The following PTBP2 variants were observed in gnomAD, a reference collection of about 807,000 sequenced individuals.
The protein encoded by PTBP2 is polypyrimidine tract binding protein 2.
Under a neutral mutation model 61.4 loss-of-function variants are expected in PTBP2, and 13 were observed. The observed-to-expected ratio is 0.21, with a 90% CI of 0.14 to 0.34. PTBP2 has a LOEUF of 0.34. Among genes scored for constraint, PTBP2 ranks in the 10% least tolerant of loss-of-function variants. PTBP2 has a pLI of 1.00. For missense variants in PTBP2, 405 were observed against 642.6 expected, an observed-to-expected ratio of 0.63 and a Z score of 4.00; for synonymous variants, 215 against 218.5, an observed-to-expected ratio of 0.98 and a Z score of 0.14.
At chr1:96,800,602 C>T (rs1428872706) in intron 8 of PTBP2, among the ~76,000 whole-genome samples, 5 of 151,964 alleles carry the variant, frequency 3.3e-5, no homozygotes, top group African/African-American at 1.2e-4. Context: ...TGCCTGGTGG[C>T]ATGTGCCTGT....
chr1:96,792,117 G>A (rs1266870363), intron 8 of PTBP2, among the ~76,000 whole-genome samples: 1 of 152,046 alleles, frequency 6.6e-6, no homozygotes, highest in East Asian at 1.9e-4. Context: ...GATTACGGGC[G>A]TGAGCCACCG....
chr1:96,789,311 A>G (rs747216743), intron 8 of PTBP2, among the ~76,000 whole-genome samples: 1 of 152,112 alleles, frequency 6.6e-6, no homozygotes, highest in Non-Finnish European at 1.5e-5. Flanking sequence ...TTGTGAACAG[A>G]TACAACATTT....
chr1:96,721,934 G>A (rs761908551), intron 1 of PTBP2, 62 bp downstream of exon 1: 2 of 1,552,334 alleles, frequency 1.3e-6, no homozygotes, highest in South Asian at 1.2e-5. Flanking sequence ...CCTTCGGCCC[G>A]GTCCCGGGCC....
At chr1:96,753,291 C>T (rs1023615549) in intron 3 of PTBP2, among the ~76,000 whole-genome samples, 2 of 152,014 alleles carry the variant, frequency 1.3e-5, no homozygotes, top group East Asian at 3.9e-4. Context: ...CAGGGTACTT[C>T]AAACACTCCA....
chr1:96,772,960 A>C (rs1167651853), intron 5 of PTBP2, among the ~76,000 whole-genome samples: 1 of 139,680 alleles, frequency 7.2e-6, no homozygotes, highest in Admixed American at 7.0e-5. Flanking sequence ...TAAAAATACA[A>C]AAAAAAAAAA....
intron 3 of PTBP2, among the ~76,000 whole-genome samples, chr1:96,758,469 C>G (rs1268001147): frequency 6.6e-6 from 1 of 152,018 alleles, no homozygotes; most frequent in Non-Finnish European, 1.5e-5. Context: ...ACTAGTATTT[C>G]TCATTAACCT....
At chr1:96,777,559 C>T in intron 5 of PTBP2, 26 bp from the exon 6 acceptor site, 3 of 1,582,282 alleles carry the variant, frequency 1.9e-6, no homozygotes, top group Non-Finnish European at 1.7e-6. Flanking sequence ...GGGTATGTTT[C>T]TAAACTACAT....
chr1:96,770,634 AT>A, intron 4 of PTBP2, 73 bp from the exon 5 acceptor site: 1 of 1,233,680 alleles, frequency 8.1e-7, no homozygotes, highest in Non-Finnish European at 1.2e-6. Context: ...GATTAAAATC[AT>A]CTGAATAGAT....
chr1:96,786,418 T>C (rs1167206929), intron 8 of PTBP2, among the ~76,000 whole-genome samples: 1 of 152,184 alleles, frequency 6.6e-6, no homozygotes, highest in African/African-American at 2.4e-5. Context: ...TCACTTACAC[T>C]CTTTCCTGAC....
At chr1:96,775,753 G>C (rs187907129) in intron 5 of PTBP2, among the ~76,000 whole-genome samples, 2 of 151,910 alleles carry the variant, frequency 1.3e-5, no homozygotes, top group African/African-American at 4.8e-5. Flanking sequence ...AGCCAACACT[G>C]CTCCATGAAT....
chr1:96,735,034 C>T (rs548550808), intron 2 of PTBP2, among the ~76,000 whole-genome samples: 2 of 151,754 alleles, frequency 1.3e-5, no homozygotes, highest in East Asian at 3.9e-4. Context: ...TCTCCTGCCT[C>T]AGCTTCCCAA....
intron 3 of PTBP2, among the ~76,000 whole-genome samples, chr1:96,756,496 G>A (rs1655173582): frequency 1.3e-5 from 2 of 152,196 alleles, no homozygotes; most frequent in South Asian, 4.1e-4. Flanking sequence ...GCACATGGAT[G>A]TTTATAGCAC....
chr1:96,785,001 T>C (rs1659069196), intron 7 of PTBP2, 58 bp from the exon 8 acceptor site: 1 of 1,296,764 alleles, frequency 7.7e-7, no homozygotes, highest in East Asian at 2.7e-5. Context: ...AAAATTATAC[T>C]TTCACTAATT....
At chr1:96,767,696 T>A (rs1656892324) in intron 3 of PTBP2, among the ~76,000 whole-genome samples, 1 of 152,110 alleles carries the variant, frequency 6.6e-6, no homozygotes, top group East Asian at 1.9e-4. Context: ...ATTCTGTGCT[T>A]TAGCTTACAT....
At chr1:96,726,734 G>A (rs1650605954) in intron 2 of PTBP2, among the ~76,000 whole-genome samples, 1 of 152,108 alleles carries the variant, frequency 6.6e-6, no homozygotes, top group Non-Finnish European at 1.5e-5. Context: ...ACCGCGCCTA[G>A]CCAAAATGCC....
rs1377652550 is a variant in PTBP2 at position 96,762,525 on chromosome 1, C to T, written c.116-7178C>T. ...CCCGCCACCTCCCTCCCGGACGGGG[C>T]GGCTGGCCGGGCTGGGGGCTGACCC... On this transcript the variant is annotated intron_variant, in intron 3 of 13. Transcript: ENST00000674951. 1.3e-4 allele frequency among the ~76,000 whole-genome samples: 18 copies of T among 140,744 alleles called. 3 individuals are homozygous for T. The highest frequency in any genetic ancestry group is 3.8e-4 in the African/African-American group (14 of 37,070). 92.3% of individuals were successfully genotyped at this position (140,744 alleles called of 152,430 possible). A position where few individuals can be genotyped will look rare whatever the true frequency, so the allele number is the denominator to read the frequency against.
intron 2 of PTBP2, among the ~76,000 whole-genome samples, chr1:96,737,634 G>C (rs920665708): frequency 6.6e-6 from 1 of 152,094 alleles, no homozygotes; most frequent in African/African-American, 2.4e-5. Context: ...AACAAGTAAT[G>C]ATGAGGAAAA....
At chr1:96,790,114 C>A (rs1659626132) in intron 8 of PTBP2, among the ~76,000 whole-genome samples, 1 of 152,130 alleles carries the variant, frequency 6.6e-6, no homozygotes, top group Admixed American at 6.5e-5. Flanking sequence ...ATCTCTCATT[C>A]ATTTACTTAT....
chr1:96,722,439 G>C (rs1649731847), intron 1 of PTBP2, among the ~76,000 whole-genome samples: 1 of 151,606 alleles, frequency 6.6e-6, no homozygotes, highest in Non-Finnish European at 1.5e-5. Context: ...AGCCGCTGGG[G>C]AAGGGGGGAG....
Sources: gnomAD v4.1 joint callset for allele counts (sites outside exome capture counted in the v4.1 genomes callset) on GRCh38, gnomAD v4.1.1 for gene constraint, MANE v1.5 for transcripts, NCBI Gene and HGNC (gene_info 2026-07-23, HGNC 2026-07-21) for gene names.